The following CHIC1 variants were observed in gnomAD, a reference collection of about 807,000 sequenced individuals.
CHIC1 encodes cysteine-rich hydrophobic domain-containing protein 1.
Under a neutral mutation model 18.5 loss-of-function variants are expected in CHIC1, and 7 were observed. The ratio of observed to expected loss-of-function variants is 0.38; its 90% CI spans 0.22 to 0.71. CHIC1 has a LOEUF of 0.71. Among genes scored for constraint, CHIC1 ranks in the 30% least tolerant of loss-of-function variants. CHIC1 has a pLI of 0.49. For missense variants in CHIC1, 159 were observed against 176.9 expected, an observed-to-expected ratio of 0.90 and a Z score of 0.57; for synonymous variants, 77 against 73.5, an observed-to-expected ratio of 1.05 and a Z score of -0.25.
chrX:73,671,149 C>T (rs1410077192), intron 3 of CHIC1, among the ~76,000 whole-genome samples: 4 of 111,830 alleles, frequency 3.6e-5, no homozygotes, highest in Non-Finnish European at 7.5e-5. Context: ...TGCAAGGTTT[C>T]TGCTGAGAAA....
intron 3 of CHIC1, among the ~76,000 whole-genome samples, chrX:73,666,928 T>C (rs1338947619): frequency 8.9e-6 from 1 of 111,975 alleles, no homozygotes; most frequent in African/African-American, 3.3e-5. Flanking sequence ...ATCTCAATGA[T>C]CTGTCTAATA....
At chrX:73,630,572 A>G (rs1274464308) in intron 3 of CHIC1, among the ~76,000 whole-genome samples, 1 of 111,615 alleles carries the variant, frequency 9.0e-6, no homozygotes, top group East Asian at 2.8e-4. Context: ...CCATCCTTGC[A>G]TTCCAGAGAA....
At chrX:73,660,997 T>A (rs981568531) in intron 3 of CHIC1, among the ~76,000 whole-genome samples, 1 of 111,619 alleles carries the variant, frequency 9.0e-6, no homozygotes, top group African/African-American at 3.3e-5. Context: ...TTACTCATAG[T>A]CCTCCTTTTT....
intron 3 of CHIC1, among the ~76,000 whole-genome samples, chrX:73,637,792 C>A (rs1448038018): frequency 9.1e-6 from 1 of 110,435 alleles, no homozygotes; most frequent in Non-Finnish European, 1.9e-5. Context: ...TTCTTTAGTT[C>A]TTTAACAATA....
At chrX:73,626,706 T>C (rs980154692) in intron 3 of CHIC1, among the ~76,000 whole-genome samples, 8 of 111,369 alleles carry the variant, frequency 7.2e-5, no homozygotes, top group Admixed American at 1.9e-4. Context: ...TTCTCTTTGT[T>C]ATCTTGAATT....
At chrX:73,642,336 C>T (rs1390549046) in intron 3 of CHIC1, among the ~76,000 whole-genome samples, 1 of 111,651 alleles carries the variant, frequency 9.0e-6, no homozygotes, top group Non-Finnish European at 1.9e-5. Context: ...AGTGTCTGTT[C>T]ATGTCCTTCG....
At chrX:73,655,645 GTGTGTATA>G (rs200707642) in intron 3 of CHIC1, among the ~76,000 whole-genome samples, 16,343 of 32,637 alleles carry the variant, frequency 0.5, 1,972 homozygotes, top group East Asian at 0.94. Flanking sequence ...GTGTGTGTGT[GTGTGTATA>G]TATATATATA....
intron 3 of CHIC1, among the ~76,000 whole-genome samples, chrX:73,611,921 C>T (rs1483535599): frequency 3.7e-5 from 4 of 108,387 alleles, no homozygotes; most frequent in Non-Finnish European, 5.7e-5. Flanking sequence ...TGGATATTAG[C>T]CCTTTGTCAG....
intron 3 of CHIC1, among the ~76,000 whole-genome samples, chrX:73,651,649 A>G (rs761094922): frequency 9.0e-6 from 1 of 111,080 alleles, no homozygotes; most frequent in Non-Finnish European, 1.9e-5. Context: ...AGAGAATAAA[A>G]TACCTAAGGA....
At chrX:73,588,571 C>T (rs960723715) in intron 3 of CHIC1, among the ~76,000 whole-genome samples, 2 of 110,938 alleles carry the variant, frequency 1.8e-5, no homozygotes, top group African/African-American at 6.5e-5. Context: ...TTCTCATTTT[C>T]CTTCCCCTCA....
intron 3 of CHIC1, among the ~76,000 whole-genome samples, chrX:73,652,680 A>G (rs187680906): frequency 3.9e-4 from 44 of 112,643 alleles, no homozygotes; most frequent in African/African-American, 1.3e-3. Context: ...CCACAATAAG[A>G]TATCATCTCA....
At chrX:73,673,503 T>C (rs1271938897) in intron 3 of CHIC1, among the ~76,000 whole-genome samples, 2 of 111,905 alleles carry the variant, frequency 1.8e-5, no homozygotes, top group African/African-American at 6.5e-5. Flanking sequence ...TTATTCTCTT[T>C]GAAGCAATTG....
intron 3 of CHIC1, among the ~76,000 whole-genome samples, chrX:73,603,432 C>T (rs1256997864): frequency 9.3e-6 from 1 of 108,101 alleles, no homozygotes; most frequent in Non-Finnish European, 1.9e-5. Flanking sequence ...AATATACAAT[C>T]GTGTCGTCTG....
intron 3 of CHIC1, among the ~76,000 whole-genome samples, chrX:73,627,277 G>A (rs912208295): frequency 1.8e-5 from 2 of 112,464 alleles, no homozygotes; most frequent in Non-Finnish European, 3.8e-5. Flanking sequence ...ACAGCACTGG[G>A]CATAGCCCAA....
At chrX:73,676,181 A>G (rs1055738682) in intron 3 of CHIC1, among the ~76,000 whole-genome samples, 3 of 111,238 alleles carry the variant, frequency 2.7e-5, no homozygotes, top group Non-Finnish European at 3.8e-5. Context: ...CCTTCGTTTC[A>G]ACTTTGGTGA....
chrX:73,663,659 C>A (rs1277984559), intron 3 of CHIC1, among the ~76,000 whole-genome samples: 1 of 110,682 alleles, frequency 9.0e-6, no homozygotes, highest in Non-Finnish European at 1.9e-5. Flanking sequence ...TCCAATAAGC[C>A]AGAAAAATTT....
In CHIC1 at chrX:73,685,599, C is replaced by T. The variant is rs1315408460; in HGVS notation, c.*4594C>T. The T allele has an allele frequency of 9.0e-6, 1 of 111,431 alleles. No homozygotes were observed. The highest frequency in any genetic ancestry group is 3.3e-5 in the African/African-American group (1 of 30,721). The allele number at this position is 111,431 out of a possible 1,213,427, so 9.2% of individuals were successfully genotyped here. The stretch of plus-strand genomic sequence containing the variant: ...GCTCTGCTGCTTAATTCCTCTGTAC[C>T]TCACGTCCTCATTGTCGAAGTGGGG... On this transcript the variant is annotated 3_prime_UTR_variant, in exon 6 of 6. Coordinates refer to ENST00000373502, the MANE Select transcript of CHIC1 (RefSeq NM_001039840.4).
chrX:73,659,868 G>C (rs1222016073), intron 3 of CHIC1, among the ~76,000 whole-genome samples: 1 of 111,690 alleles, frequency 9.0e-6, no homozygotes, highest in African/African-American at 3.3e-5. Context: ...TGGGGTCTGG[G>C]ATACCCCATT....
At chrX:73,635,703 A>T (rs1176651502) in intron 3 of CHIC1, among the ~76,000 whole-genome samples, 1 of 111,679 alleles carries the variant, frequency 9.0e-6, no homozygotes, top group Non-Finnish European at 1.9e-5. Context: ...CCAGTAGTAA[A>T]GTCCCCACAT....
Sources: gnomAD v4.1 joint callset for allele counts (sites outside exome capture counted in the v4.1 genomes callset) on GRCh38, gnomAD v4.1.1 for gene constraint, MANE v1.5 for transcripts, NCBI Gene and HGNC (gene_info 2026-07-23, HGNC 2026-07-21) for gene names.